CCNB2: variants seen among roughly 807,000 people sequenced by gnomAD.
CCNB2 encodes cyclin B2, also known as G2/mitotic-specific cyclin-B2.
In CCNB2, 39 loss-of-function variants were observed where a neutral mutation model predicts 51.1. The ratio of observed to expected loss-of-function variants is 0.76; its 90% CI spans 0.59 to 1.00. CCNB2 has a LOEUF of 1.00. Ranked by LOEUF, CCNB2 falls within the 50% of genes least tolerant of loss-of-function variation. The pLI is 0.00. For missense variants in CCNB2, 472 were observed against 470.3 expected (o/e 1.00, Z -0.03); for synonymous variants, 174 against 165.5 (o/e 1.05, Z -0.40).
Position 59,114,765 on chromosome 15 carries a change from T to C in CCNB2, c.486T>C (p.Asn162=), listed in dbSNP as rs747445408. The change falls in exon 5 of 9, where the codon AAT becomes AAC. Residue 162 remains asparagine, a synonymous_variant. Coordinates refer to ENST00000288207, the MANE Select transcript of CCNB2 (RefSeq NM_004701.4). ...ATTTCTTAGATGGAAGAGATATAAA[T>C]GGACGCATGCGTGCCATCCTAGTGG... ...NPHFLDGRDI[N]GRMRAILVDW... The C allele has an allele frequency of 7.4e-6, 12 of 1,614,114 alleles. No homozygotes were observed. The highest frequency in any genetic ancestry group is 1.0e-5 in the Non-Finnish European group (12 of 1,179,968).
At chr15:59,115,652 T>A (rs1305524949) in intron 5 of CCNB2, 4 of 152,334 alleles carry the variant, frequency 2.6e-5, no homozygotes, top group African/African-American at 9.6e-5. Context: ...ATAATGACCC[T>A]GAGATACTAC....
At chr15:59,118,508 C>T (rs576178704) in intron 7 of CCNB2, among the ~76,000 whole-genome samples, 2 of 152,052 alleles carry the variant, frequency 1.3e-5, no homozygotes, top group African/African-American at 2.4e-5. Flanking sequence ...CATGGCAAAA[C>T]CCCCGTCTCT....
At position 59,105,274 on chromosome 15, in the gene CCNB2, G is replaced by T. The variant is rs1208407075; in HGVS notation, c.6G>T (p.Ala2=). The T allele has an allele frequency of 2.6e-6, 4 of 1,567,282 alleles. No homozygotes were observed. The highest frequency in any genetic ancestry group is 3.5e-6 in the Non-Finnish European group (4 of 1,159,290). ...TCTTGCCTTCCCCGTCCCTCATGGC[G>T]CTGCTCCGACGCCCGACGGTGAGTG... is the stretch of plus-strand genomic sequence containing the variant. M[A]LLRRPTVSSD... is the part of the protein sequence containing the mutation. The change falls in exon 1 of 9, where the codon GCG becomes GCT. Residue 2 remains alanine (A), a synonymous_variant. Transcript: ENST00000288207.
At chr15:59,113,250 C>G (rs1417695861) in intron 3 of CCNB2, among the ~76,000 whole-genome samples, 1 of 152,086 alleles carries the variant, frequency 6.6e-6, no homozygotes, top group African/African-American at 2.4e-5. Context: ...TTTTTAGTTG[C>G]CAGTTTTTCA....
intron 3 of CCNB2, among the ~76,000 whole-genome samples, chr15:59,109,456 C>A (rs917810955): frequency 2.0e-4 from 31 of 151,972 alleles, no homozygotes; most frequent in African/African-American, 5.8e-4. Flanking sequence ...TAGAGAAATA[C>A]CCTAGTTAAA....
chr15:59,117,334 G>C lies in CCNB2; in HGVS notation c.941G>C (p.Cys314Ser). The change falls in exon 7 of 9, where the codon TGC (cysteine) becomes TCC (serine). Residue 314 changes from cysteine (C) to serine (S), a missense_variant. Physicochemically the swap from Cys to Ser is moderately radical, Grantham distance 112 (BLOSUM62 -1). Transcript: ENST00000288207. Reference sequence around the variant, plus strand: ...TCTAAGGTAGCAGCAGCTGCTTCCTGCTTGTCTCAGAAGGTTCTAGGACAA... The same window carrying C: ...TCTAAGGTAGCAGCAGCTGCTTCCTCCTTGTCTCAGAAGGTTCTAGGACAA... ...HPSKVAAAAS[C>S]LSQKVLGQGK... 6.2e-7 allele frequency: 1 copy of C among 1,613,920 alleles called. No individual in the cohort carries two copies. Among genetic ancestry groups the C allele is most frequent in the Non-Finnish European group, 8.5e-7 (1 of 1,179,958 alleles).
chr15:59,122,279 TTC>T (rs1273588047), intron 7 of CCNB2, among the ~76,000 whole-genome samples: 2 of 122,964 alleles, frequency 1.6e-5, no homozygotes, highest in Non-Finnish European at 3.4e-5. Context: ...GACAGAGTCT[TTC>T]TCTGTCACCC....
intron 3 of CCNB2, among the ~76,000 whole-genome samples, chr15:59,113,477 G>A (rs1358083079): frequency 6.6e-6 from 1 of 152,066 alleles, no homozygotes; most frequent in African/African-American, 2.4e-5. Context: ...CTTACATTCT[G>A]GCAGAGGTAG....
intron 3 of CCNB2, among the ~76,000 whole-genome samples, chr15:59,108,919 G>A (rs1426815048): frequency 6.6e-6 from 1 of 152,206 alleles, no homozygotes; most frequent in Non-Finnish European, 1.5e-5. Context: ...TTCTATAACA[G>A]TGACCTCCTG....
intron 3 of CCNB2, among the ~76,000 whole-genome samples, chr15:59,108,088 T>C (rs557318292): frequency 1.1e-4 from 17 of 152,200 alleles, no homozygotes; most frequent in Admixed American, 3.9e-4. Context: ...AGAAAATTCA[T>C]GGAATGAGTG....
chr15:59,112,800 C>T (rs1487037680), intron 3 of CCNB2, among the ~76,000 whole-genome samples: 5 of 151,340 alleles, frequency 3.3e-5, no homozygotes, highest in East Asian at 1.9e-4. Context: ...TTTGGGAGGC[C>T]GAGGTGGGCG....
At chr15:59,109,154 G>A (rs1332999364) in intron 3 of CCNB2, among the ~76,000 whole-genome samples, 1 of 152,114 alleles carries the variant, frequency 6.6e-6, no homozygotes, top group Non-Finnish European at 1.5e-5. Flanking sequence ...GGGTTCAAGC[G>A]ATTCTCCTGT....
intron 7 of CCNB2, among the ~76,000 whole-genome samples, chr15:59,119,109 ATAAT>A (rs1244336482): frequency 1.3e-5 from 2 of 152,192 alleles, no homozygotes; most frequent in African/African-American, 2.4e-5. Context: ...TATTGACTTT[ATAAT>A]ACAGTGTAAC....
chr15:59,111,856 C>CTTTCT (rs772130816), intron 3 of CCNB2, among the ~76,000 whole-genome samples: 11 of 133,968 alleles, frequency 8.2e-5, no homozygotes, highest in South Asian at 7.0e-4. Flanking sequence ...TTCTTTCTTT[C>CTTTCT]TTTTTTTTTT....
intron 3 of CCNB2, among the ~76,000 whole-genome samples, chr15:59,113,352 C>T (rs1246462245): frequency 2.6e-5 from 4 of 152,122 alleles, no homozygotes; most frequent in African/African-American, 9.7e-5. Flanking sequence ...AATCTTTGAA[C>T]CCAGGTGGTC....
At chr15:59,115,195 G>A (rs1042129068) in intron 5 of CCNB2, among the ~76,000 whole-genome samples, 1 of 152,158 alleles carries the variant, frequency 6.6e-6, no homozygotes, top group Non-Finnish European at 1.5e-5. Flanking sequence ...TAGTGCCTTT[G>A]GATGCTGGTT....
intron 3 of CCNB2, among the ~76,000 whole-genome samples, chr15:59,111,602 T>A (rs1424622719): frequency 6.6e-6 from 1 of 152,232 alleles, no homozygotes; most frequent in African/African-American, 2.4e-5. Flanking sequence ...TTGGATAAAA[T>A]CTAAGCTTCT....
At chr15:59,117,868 A>G (rs1169243465) in intron 7 of CCNB2, among the ~76,000 whole-genome samples, 3 of 152,168 alleles carry the variant, frequency 2.0e-5, no homozygotes, top group African/African-American at 7.2e-5. Flanking sequence ...AGGCTGAGGG[A>G]GGAGGATCAT....
chr15:59,107,668 A>G lies in CCNB2; in HGVS notation c.265A>G (p.Lys89Glu), dbSNP rs1359750427. The change falls in exon 3 of 9, where the codon AAG becomes GAG. Residue 89 changes from lysine (K) to glutamate (E), a missense_variant and splice_region_variant. Physicochemically the swap from Lys to Glu is moderately conservative, Grantham distance 56. Coordinates refer to ENST00000288207, the MANE Select transcript of CCNB2 (RefSeq NM_004701.4). The stretch of plus-strand genomic sequence containing the variant: ...AGTACAGATGGAAAAGTTGGCTCCA[A>G]AGGTAGGAAGTTCTGAATTTACAAA... ...KPVQMEKLAP[K>E]GPSPTPEDVS... The G allele has an allele frequency of 6.2e-7, 1 of 1,612,160 alleles. No individual in the cohort carries two copies. The highest frequency in any genetic ancestry group is 8.5e-7 in the Non-Finnish European group (1 of 1,178,630).
Sources: allele counts gnomAD v4.1 joint callset (sites outside exome capture counted in the v4.1 genomes callset), GRCh38; gene constraint gnomAD v4.1.1; transcripts MANE v1.5; gene names NCBI Gene and HGNC (gene_info 2026-07-23, HGNC 2026-07-21).